The following TRIQK variants were observed in gnomAD, a reference collection of about 807,000 sequenced individuals.
The protein encoded by TRIQK is triple QxxK/R motif-containing protein.
In TRIQK, 10 loss-of-function variants were observed where a neutral mutation model predicts 10.8. That is an observed-to-expected ratio of 0.92 (90% confidence interval 0.57 to 1.57). The LOEUF is 1.57. Among genes scored for constraint, TRIQK ranks in the 40% most tolerant of loss-of-function variants. The probability of loss-of-function intolerance (pLI) is 0.00; values close to 1 mark genes in which losing one functional copy is unlikely to be tolerated. For missense variants in TRIQK, 107 were observed against 97.7 expected (o/e 1.09, Z -0.40); for synonymous variants, 33 against 33.7 (o/e 0.98, Z 0.07).
intron 1 of TRIQK, among the ~76,000 whole-genome samples, chr8:92,979,018 A>G (rs1241848495): frequency 6.6e-6 from 1 of 152,102 alleles, no homozygotes; most frequent in Non-Finnish European, 1.5e-5. Context: ...TCATGTCAAA[A>G]ATCTGTGGGT....
intron 1 of TRIQK, among the ~76,000 whole-genome samples, chr8:93,002,841 AC>A (rs1813227382): frequency 6.6e-6 from 1 of 151,244 alleles, no homozygotes; most frequent in African/African-American, 2.4e-5. Flanking sequence ...AATCACTTGA[AC>A]CCGGAAGGCA....
At chr8:92,964,626 C>T (rs1447167468) in intron 1 of TRIQK, among the ~76,000 whole-genome samples, 1 of 147,898 alleles carries the variant, frequency 6.8e-6, no homozygotes, top group African/African-American at 2.5e-5. Flanking sequence ...AAAAAAATCA[C>T]AAGGGAAATT....
intron 3 of TRIQK, among the ~76,000 whole-genome samples, chr8:92,906,873 A>G (rs1171085540): frequency 6.6e-6 from 1 of 151,986 alleles, no homozygotes; most frequent in East Asian, 1.9e-4. Flanking sequence ...AGCCTGGGAG[A>G]CAGAGCGAGA....
chr8:92,939,877 T>C (rs1328517373), intron 2 of TRIQK, among the ~76,000 whole-genome samples: 1 of 152,166 alleles, frequency 6.6e-6, no homozygotes, highest in Non-Finnish European at 1.5e-5. Flanking sequence ...AGGTCCCACC[T>C]GTCCAGAGCA....
chr8:92,910,952 T>C (rs1246576208), intron 3 of TRIQK, among the ~76,000 whole-genome samples: 2 of 151,382 alleles, frequency 1.3e-5, no homozygotes, highest in Non-Finnish European at 3.0e-5. Context: ...AAAACTATAA[T>C]TAATATAAGT....
At chr8:93,013,039 G>A (rs1057240863) in intron 1 of TRIQK, among the ~76,000 whole-genome samples, 1 of 152,090 alleles carries the variant, frequency 6.6e-6, no homozygotes, top group Non-Finnish European at 1.5e-5. Context: ...GAACCATGAT[G>A]TCCTACACAA....
At position 92,935,564 on chromosome 8, in the gene TRIQK, G is replaced by C. The variant is rs529337888; in HGVS notation, c.-21-18554C>G. On this transcript the variant is annotated intron_variant, in intron 2 of 4. Coordinates refer to ENST00000521988, the MANE Select transcript of TRIQK (RefSeq NM_001171797.2). ...AACCAAAAAGGAAATAATAGAAAAA[G>C]AATAAAGCCCTTCAAATTACAAAAA... is the stretch of plus-strand genomic sequence containing the variant. Among the ~76,000 whole-genome samples, 323 of 151,360 alleles carry C rather than the reference G, an allele frequency of 2.1e-3. 4 individuals carry two copies. Among genetic ancestry groups the C allele is most frequent in the African/African-American group, 7.6e-3 (314 of 41,420 alleles).
At chr8:92,911,902 C>T (rs1202712227) in intron 3 of TRIQK, among the ~76,000 whole-genome samples, 2 of 140,598 alleles carry the variant, frequency 1.4e-5, no homozygotes, top group African/African-American at 2.6e-5. Flanking sequence ...TGTGTGTAGA[C>T]ATATATATAT....
At chr8:92,999,250 C>A (rs1186515403) in intron 1 of TRIQK, among the ~76,000 whole-genome samples, 2 of 152,076 alleles carry the variant, frequency 1.3e-5, no homozygotes, top group Non-Finnish European at 2.9e-5. Flanking sequence ...CCAGTAGTGG[C>A]TTGTGTTTTT....
At chr8:92,931,495 A>T (rs559440775) in intron 2 of TRIQK, among the ~76,000 whole-genome samples, 106 of 152,298 alleles carry the variant, frequency 7.0e-4, no homozygotes, top group African/African-American at 2.5e-3. Flanking sequence ...TATCATCCCA[A>T]GAAGCATCTG....
intron 1 of TRIQK, among the ~76,000 whole-genome samples, chr8:93,008,393 T>G (rs1472385932): frequency 6.6e-6 from 1 of 152,138 alleles, no homozygotes; most frequent in African/African-American, 2.4e-5. Flanking sequence ...CCATTAAAAT[T>G]TCCATACTAC....
intron 1 of TRIQK, among the ~76,000 whole-genome samples, chr8:92,995,786 C>T (rs2130753095): frequency 1.3e-5 from 2 of 152,172 alleles, no homozygotes; most frequent in South Asian, 4.1e-4. Flanking sequence ...TCACATCTTA[C>T]AGCTCTAGTT....
At chr8:92,898,692 A>G (rs1409094184) in intron 3 of TRIQK, among the ~76,000 whole-genome samples, 1 of 151,766 alleles carries the variant, frequency 6.6e-6, no homozygotes, top group Non-Finnish European at 1.5e-5. Context: ...ACCATAAAAT[A>G]GGATACAATG....
intron 1 of TRIQK, among the ~76,000 whole-genome samples, chr8:92,996,769 T>C (rs576935760): frequency 6.7e-4 from 102 of 151,976 alleles, no homozygotes; most frequent in Non-Finnish European, 1.2e-3. Context: ...TGCTCTTCTT[T>C]TGGGAAGTTT....
chr8:92,916,418 T>C (rs997399592), intron 3 of TRIQK, among the ~76,000 whole-genome samples: 45 of 152,162 alleles, frequency 3.0e-4, no homozygotes, highest in African/African-American at 9.2e-4. Flanking sequence ...CAAATCCTTA[T>C]TTCCAGTCTT....
At chr8:92,945,670 T>C (rs1811493282) in intron 2 of TRIQK, among the ~76,000 whole-genome samples, 1 of 152,192 alleles carries the variant, frequency 6.6e-6, no homozygotes, top group Non-Finnish European at 1.5e-5. Flanking sequence ...ACCATATAGG[T>C]ATGTATATAG....
intron 3 of TRIQK, among the ~76,000 whole-genome samples, chr8:92,900,025 C>A (rs1449603948): frequency 6.6e-6 from 1 of 152,130 alleles, no homozygotes; most frequent in Non-Finnish European, 1.5e-5. Context: ...TGTTTTCATA[C>A]ACCTGTTTGC....
At chr8:92,979,763 T>A (rs1166882223) in intron 1 of TRIQK, among the ~76,000 whole-genome samples, 1 of 152,086 alleles carries the variant, frequency 6.6e-6, no homozygotes, top group East Asian at 1.9e-4. Flanking sequence ...TGGTCCCTCA[T>A]TTGTGAAAAA....
intron 2 of TRIQK, among the ~76,000 whole-genome samples, chr8:92,928,692 A>G (rs1782026097): frequency 1.3e-5 from 2 of 152,222 alleles, no homozygotes; most frequent in Admixed American, 1.3e-4. Context: ...AGCTGGAAGT[A>G]GATGGGAGGC....
Sources: gnomAD v4.1 joint callset for allele counts (sites outside exome capture counted in the v4.1 genomes callset) on GRCh38, gnomAD v4.1.1 for gene constraint, MANE v1.5 for transcripts, NCBI Gene and HGNC (gene_info 2026-07-23, HGNC 2026-07-21) for gene names.